The following GNAI3 variants were observed in gnomAD, a reference collection of about 807,000 sequenced individuals.
The protein encoded by GNAI3 is G protein subunit alpha i3, also known as guanine nucleotide-binding protein G(i) subunit alpha-3.
In GNAI3, 12 loss-of-function variants were observed where a neutral mutation model predicts 41.8. The ratio of observed to expected loss-of-function variants is 0.29; its 90% CI spans 0.18 to 0.47. GNAI3 has a LOEUF of 0.47. Among genes scored for constraint, GNAI3 ranks in the 20% least tolerant of loss-of-function variants. The probability of loss-of-function intolerance (pLI) is 1.00; values close to 1 mark genes in which losing one functional copy is unlikely to be tolerated. For missense variants in GNAI3, 360 were observed against 429.6 expected, an observed-to-expected ratio of 0.84 and a Z score of 1.43; for synonymous variants, 132 against 146.5, an observed-to-expected ratio of 0.90 and a Z score of 0.71.
chr1:109,570,269 AT>A (rs1320850786), intron 1 of GNAI3, among the ~76,000 whole-genome samples: 1 of 152,202 alleles, frequency 6.6e-6, no homozygotes, highest in East Asian at 1.9e-4. Flanking sequence ...GTTGTCTAGA[AT>A]TTTTATATTT....
chr1:109,581,606 G>T (rs527529936), intron 4 of GNAI3, among the ~76,000 whole-genome samples: 1 of 152,106 alleles, frequency 6.6e-6, no homozygotes, highest in East Asian at 1.9e-4. Context: ...CTACTTTTGT[G>T]TCCGGGCGCG....
chr1:109,572,598 C>T (rs1648634160), intron 1 of GNAI3, among the ~76,000 whole-genome samples: 1 of 151,942 alleles, frequency 6.6e-6, no homozygotes, highest in African/African-American at 2.4e-5. Flanking sequence ...ATTGGAGGCA[C>T]TGAGTATAGA....
chr1:109,563,180 G>A lies in GNAI3; in HGVS notation c.119-10557G>A, dbSNP rs531799856. On this transcript the variant is annotated intron_variant, in intron 1 of 8. Transcript: ENST00000369851. Reference sequence around the variant, plus strand: ...TGGGATCACTTGAGCTCAGGAGTTCGAGACTAGCCTGGGCAACGTGGTGAA... The same window carrying A: ...TGGGATCACTTGAGCTCAGGAGTTCAAGACTAGCCTGGGCAACGTGGTGAA... Among the ~76,000 whole-genome samples, 7 of 152,276 alleles carry A rather than the reference G, an allele frequency of 4.6e-5. No homozygotes were observed. The East Asian group carries it at 9.6e-4, about 21-fold the overall frequency.
At chr1:109,570,242 G>T (rs905101411) in intron 1 of GNAI3, among the ~76,000 whole-genome samples, 1 of 152,088 alleles carries the variant, frequency 6.6e-6, no homozygotes, top group Non-Finnish European at 1.5e-5. Flanking sequence ...TGTACCTTTT[G>T]ATTCTGTAAG....
At position 109,582,496 on chromosome 1, in the gene GNAI3, T is replaced by A; in HGVS notation, c.521T>A (p.Val174Asp). ...AACTACATTCCAACTCAGCAAGATG[T>A]TCTTCGGACGAGAGTGAAGACCACA... ...QSNYIPTQQD[V>D]LRTRVKTTGI... The change falls in exon 5 of 9, where the codon GTT (valine) becomes GAT (aspartate). Residue 174 changes from valine (V) to aspartate (D), a missense_variant. Coordinates refer to ENST00000369851, the MANE Select transcript of GNAI3 (RefSeq NM_006496.4). 2.5e-6 allele frequency: 4 copies of A among 1,595,766 alleles called. No homozygotes were observed. Among genetic ancestry groups the A allele is most frequent in the Non-Finnish European group, 3.4e-6 (4 of 1,163,292 alleles).
chr1:109,568,411 C>T (rs1648513126), intron 1 of GNAI3, among the ~76,000 whole-genome samples: 1 of 152,034 alleles, frequency 6.6e-6, no homozygotes, highest in Admixed American at 6.5e-5. Flanking sequence ...TGGTGTGCCC[C>T]TGTAGTCCCA....
At chr1:109,572,863 G>A (rs1648644987) in intron 1 of GNAI3, among the ~76,000 whole-genome samples, 2 of 152,184 alleles carry the variant, frequency 1.3e-5, no homozygotes, top group South Asian at 4.1e-4. Context: ...AGGTGCATAA[G>A]GGGAGAAGTT....
chr1:109,552,911 T>C (rs1011764553), intron 1 of GNAI3, among the ~76,000 whole-genome samples: 3 of 152,202 alleles, frequency 2.0e-5, no homozygotes, highest in Non-Finnish European at 2.9e-5. Flanking sequence ...CTACCTCCAC[T>C]TATTAGCTCT....
At chr1:109,573,872 C>T in intron 2 of GNAI3, 24 bp from the exon 3 acceptor site, 1 of 1,607,618 alleles carries the variant, frequency 6.2e-7, no homozygotes, top group Non-Finnish European at 8.5e-7. Context: ...ATGGTATTGA[C>T]TTGTGGTTTT....
chr1:109,548,674 C>T lies in GNAI3; in HGVS notation c.-47C>T, dbSNP rs1444789635. On this transcript the variant is annotated 5_prime_UTR_variant, in exon 1 of 9. Coordinates refer to ENST00000369851, the MANE Select transcript of GNAI3 (RefSeq NM_006496.4). ...CCTCAGCCTGCCGAGCCGCAGTTTC[C>T]GTGGTGTGAGTGAGTCCGGGCCCGT... 4 of 1,355,906 alleles carry T rather than the reference C, an allele frequency of 3.0e-6. No homozygotes were observed. The highest frequency in any genetic ancestry group is 2.4e-5 in the South Asian group (2 of 84,642). The allele number at this position is 1,355,906 out of a possible 1,614,324, so 84.0% of individuals were successfully genotyped here.
intron 1 of GNAI3, among the ~76,000 whole-genome samples, chr1:109,555,838 A>G (rs539832508): frequency 6.6e-6 from 1 of 152,156 alleles, no homozygotes; most frequent in South Asian, 2.1e-4. Flanking sequence ...TGCATCCTCT[A>G]GCTTGGGAAG....
In GNAI3 at chr1:109,553,046, TA is replaced by T. The variant is rs562431320; in HGVS notation, c.118+4214del. ...ATGCTTCACATTAGTGCCTAGCAAA[TA>T]AAAAATAGTAAGTGGTCACTTCTAT... On this transcript the variant is annotated intron_variant, in intron 1 of 8. Coordinates refer to ENST00000369851, the MANE Select transcript of GNAI3 (RefSeq NM_006496.4). Among the ~76,000 whole-genome samples the T allele has an allele frequency of 2.2e-4, 34 of 152,288 alleles. No homozygotes were observed. In the South Asian group the frequency reaches 7.0e-3, roughly 32 times the overall value.
intron 1 of GNAI3, 66 bp from the exon 2 acceptor site, chr1:109,573,671 C>A: frequency 7.8e-7 from 1 of 1,284,670 alleles, no homozygotes; most frequent in Non-Finnish European, 1.1e-6. Context: ...AGTTATCATT[C>A]ATGTTGATAT....
intron 1 of GNAI3, among the ~76,000 whole-genome samples, chr1:109,556,523 A>G (rs1426589879): frequency 1.3e-5 from 2 of 152,188 alleles, no homozygotes; most frequent in Non-Finnish European, 2.9e-5. Flanking sequence ...AATTTTTGAA[A>G]AATCTGTTTT....
chr1:109,573,827 A>T (rs758664380), intron 2 of GNAI3, 48 bp downstream of exon 2: 76 of 1,590,378 alleles, frequency 4.8e-5, no homozygotes, highest in Non-Finnish European at 6.4e-5. Context: ...CTCCTAATGC[A>T]TATAAAGTCC....
At chr1:109,591,350 A>G (rs1443672114) in intron 7 of GNAI3, among the ~76,000 whole-genome samples, 2 of 151,908 alleles carry the variant, frequency 1.3e-5, no homozygotes, top group East Asian at 3.8e-4. Context: ...GTTTATTGCC[A>G]TCTTTTAGTA....
At chr1:109,555,951 A>AGTGCGTGC (rs567621395) in intron 1 of GNAI3, among the ~76,000 whole-genome samples, 20 of 117,314 alleles carry the variant, frequency 1.7e-4, no homozygotes, top group African/African-American at 3.5e-4. Context: ...TGGGGAAAGG[A>AGTGCGTGC]GTGCGTGCGT....
rs541338381 is a variant in GNAI3, at chr1:109,598,407, T to C, written c.*6085T>C. ...AGTCTTAAATCACTCATCTGTTATCTAAAGATGGACTAAATTATTCCTTCC... is the reference window on the plus strand; with the variant it reads ...AGTCTTAAATCACTCATCTGTTATCCAAAGATGGACTAAATTATTCCTTCC... On this transcript the variant is annotated 3_prime_UTR_variant, in exon 9 of 9. Transcript: ENST00000369851. 6.5e-6 allele frequency: 1 copy of C among 153,184 alleles called. No homozygotes were observed. Among genetic ancestry groups the C allele is most frequent in the East Asian group, 1.9e-4 (1 of 5,204 alleles). 9.5% of individuals were successfully genotyped at this position (153,184 alleles called of 1,614,324 possible).
At chr1:109,565,242 C>A (rs77002879) in intron 1 of GNAI3, among the ~76,000 whole-genome samples, 2,008 of 147,516 alleles carry the variant, frequency 0.014, 63 homozygotes, top group African/African-American at 0.048. Context: ...CAGAGTGAGA[C>A]TCCGTCTCAA....
Sources: allele counts gnomAD v4.1 joint callset (sites outside exome capture counted in the v4.1 genomes callset), GRCh38; gene constraint gnomAD v4.1.1; transcripts MANE v1.5; gene names NCBI Gene and HGNC (gene_info 2026-07-23, HGNC 2026-07-21).